Variants in PDZD2 observed in about 807,000 individuals in gnomAD.
PDZD2 encodes the protein PDZ domain containing 2.
In PDZD2, 90 loss-of-function variants were observed where a neutral mutation model predicts 220.7. The observed-to-expected ratio is 0.41, with a 90% CI of 0.34 to 0.49. The LOEUF is 0.49. Ranked by LOEUF, PDZD2 falls within the 20% of genes least tolerant of loss-of-function variation. The probability of loss-of-function intolerance (pLI) is 0.28; values close to 1 mark genes in which losing one functional copy is unlikely to be tolerated. For missense variants in PDZD2, 3,174 were observed against 3,608.5 expected, an observed-to-expected ratio of 0.88 and a Z score of 3.08; for synonymous variants, 1,375 against 1,450.5, an observed-to-expected ratio of 0.95 and a Z score of 1.18.
At chr5:31,693,145 G>C (rs1480559246) in intron 1 of PDZD2, among the ~76,000 whole-genome samples, 1 of 150,938 alleles carries the variant, frequency 6.6e-6, no homozygotes, top group East Asian at 1.9e-4. Flanking sequence ...CTGCAAGCTC[G>C]GAGCTAAGAG....
chr5:31,799,227 C>A lies in PDZD2; in HGVS notation c.-22C>A. On this transcript the variant is annotated 5_prime_UTR_variant, in exon 2 of 25. It adds an upstream start codon to the 5' untranslated region. Transcript: ENST00000438447. Reference sequence around the variant, plus strand: ...CCCAGGAGCAAGACCTCTGATGATGCTGGTGTCTGGGAGTGAGCACCATGC... The same window carrying A: ...CCCAGGAGCAAGACCTCTGATGATGATGGTGTCTGGGAGTGAGCACCATGC... The A allele has an allele frequency of 6.6e-7, 1 of 1,521,312 alleles. No homozygotes were observed. Among genetic ancestry groups the A allele is most frequent in the Non-Finnish European group, 9.0e-7 (1 of 1,113,552 alleles). The allele number at this position is 1,521,312 out of a possible 1,614,324, so 94.2% of individuals were successfully genotyped here. A position where few individuals can be genotyped will look rare whatever the true frequency, so the allele number is the denominator to read the frequency against.
At chr5:32,085,593 G>A (rs752847844) in intron 19 of PDZD2, among the ~76,000 whole-genome samples, 5 of 150,262 alleles carry the variant, frequency 3.3e-5, no homozygotes, top group African/African-American at 7.6e-5. Flanking sequence ...TTACAGGCGT[G>A]TGCCACCACA....
intron 2 of PDZD2, among the ~76,000 whole-genome samples, chr5:31,830,255 TC>T (rs1198731955): frequency 5.4e-5 from 8 of 147,258 alleles, no homozygotes; most frequent in African/African-American, 1.8e-4. Flanking sequence ...AAGCTCCGCC[TC>T]CCGGGTTCAC....
rs376480915 is a variant in PDZD2 at position 31,925,515 on chromosome 5, G to T, written c.477-57640G>T. Among the ~76,000 whole-genome samples, 189 of 152,184 alleles carry T rather than the reference G, an allele frequency of 1.2e-3. 1 individual carries two copies. The highest frequency in any genetic ancestry group is 3.5e-3 in the African/African-American group (146 of 41,550). On this transcript the variant is annotated intron_variant, in intron 2 of 24. Coordinates refer to ENST00000438447, the MANE Select transcript of PDZD2 (RefSeq NM_178140.4). ...ACCTCAAACAGTAAGAATCCTAGAA[G>T]AAAACCTAGGAAACATCATTCTGGA... is the stretch of plus-strand genomic sequence containing the variant.
chr5:31,752,471 C>A (rs1751057004), intron 1 of PDZD2, among the ~76,000 whole-genome samples: 1 of 152,074 alleles, frequency 6.6e-6, no homozygotes, highest in Non-Finnish European at 1.5e-5. Context: ...ATCTCTTGAA[C>A]CTGGGAGGCA....
chr5:31,898,714 G>A (rs1741798737), intron 2 of PDZD2, among the ~76,000 whole-genome samples: 1 of 151,914 alleles, frequency 6.6e-6, no homozygotes, highest in Non-Finnish European at 1.5e-5. Context: ...TCCTAGCTCT[G>A]GGGGGCAGTT....
intron 20 of PDZD2, 69 bp downstream of exon 20, chr5:32,091,244 G>T: frequency 7.3e-6 from 7 of 960,348 alleles, no homozygotes; most frequent in Non-Finnish European, 1.0e-5. Context: ...TAGATTTATA[G>T]AAAAGTTGCA....
At chr5:32,025,077 C>T (rs1216775511) in intron 6 of PDZD2, among the ~76,000 whole-genome samples, 4 of 152,116 alleles carry the variant, frequency 2.6e-5, no homozygotes, top group African/African-American at 7.2e-5. Flanking sequence ...CTTAAAGAAG[C>T]GCCTGCCCTT....
At position 31,657,833 on chromosome 5, in the gene PDZD2, G is replaced by A. The variant is rs1180206621; in HGVS notation, c.-361+18396G>A. On this transcript the variant is annotated intron_variant, in intron 1 of 24. Transcript: ENST00000438447. ...ATCTTGACTATTGTGTGCTGCTCCC[G>A]GCAACACCCGCAAAGGAGGCATTAG... Among the ~76,000 whole-genome samples, 4 of 152,094 alleles carry A rather than the reference G, an allele frequency of 2.6e-5. No homozygotes were observed. The South Asian group carries it at 6.2e-4, about 24-fold the overall frequency.
chr5:31,675,418 AG>A (rs1458618809), intron 1 of PDZD2, among the ~76,000 whole-genome samples: 1 of 152,180 alleles, frequency 6.6e-6, no homozygotes, highest in Admixed American at 6.5e-5. Flanking sequence ...AGATGGCCTC[AG>A]CTGCCCAGCT....
chr5:31,884,684 G>C (rs1395304908), intron 2 of PDZD2, among the ~76,000 whole-genome samples: 2 of 152,074 alleles, frequency 1.3e-5, no homozygotes, highest in Non-Finnish European at 2.9e-5. Context: ...CATCTCCCAG[G>C]TTTAGGCGAT....
chr5:32,011,666 C>T (rs1753333011), intron 6 of PDZD2, among the ~76,000 whole-genome samples: 3 of 152,172 alleles, frequency 2.0e-5, no homozygotes, highest in Non-Finnish European at 4.4e-5. Flanking sequence ...CTCCTTCCCA[C>T]TCTCCTGAAC....
At chr5:31,980,109 G>T (rs1750169199) in intron 2 of PDZD2, among the ~76,000 whole-genome samples, 1 of 152,142 alleles carries the variant, frequency 6.6e-6, no homozygotes. Context: ...ACATTTCAGT[G>T]AGTTTTAGTG....
At chr5:31,752,077 T>TTTTTTTTTG (rs1751025944) in intron 1 of PDZD2, among the ~76,000 whole-genome samples, 1 of 118,126 alleles carries the variant, frequency 8.5e-6, no homozygotes, top group Non-Finnish European at 1.7e-5. Context: ...GGGTTTGTTT[T>TTTTTTTTTG]TTTTTTTTTT....
intron 7 of PDZD2, among the ~76,000 whole-genome samples, chr5:32,038,237 G>A (rs1348272288): frequency 3.7e-5 from 5 of 133,894 alleles, no homozygotes; most frequent in African/African-American, 1.1e-4. Flanking sequence ...TTGGTATAAA[G>A]ATACAGCTGG....
intron 1 of PDZD2, among the ~76,000 whole-genome samples, chr5:31,777,758 C>T (rs1335431510): frequency 3.3e-5 from 5 of 152,314 alleles, no homozygotes; most frequent in Admixed American, 6.5e-5. Context: ...GTAAATGCAC[C>T]AATCAACACT....
rs1580501641 is a variant in PDZD2, at chr5:31,639,507, A to G, written c.-361+70A>G. Reference sequence around the variant, plus strand: ...GGGCAGGGGATGGGGGAGGCCCGGCACCCCCGAGACCGTGTGTGCCCAGGA... The same window carrying G: ...GGGCAGGGGATGGGGGAGGCCCGGCGCCCCCGAGACCGTGTGTGCCCAGGA... On this transcript the variant is annotated intron_variant, in intron 1 of 24. Coordinates refer to ENST00000438447, the MANE Select transcript of PDZD2 (RefSeq NM_178140.4). The surrounding 1 kb of genome is among the most constrained non-coding windows in gnomAD (Gnocchi z 4.1). 1 of 151,438 alleles carries G rather than the reference A, an allele frequency of 6.6e-6. No homozygotes were observed. Among genetic ancestry groups the G allele is most frequent in the African/African-American group, 2.4e-5 (1 of 41,330 alleles). 9.4% of individuals were successfully genotyped at this position (151,438 alleles called of 1,614,324 possible).
At chr5:31,908,004 ACCCG>A (rs1742811338) in intron 2 of PDZD2, among the ~76,000 whole-genome samples, 1 of 144,308 alleles carries the variant, frequency 6.9e-6, no homozygotes, top group South Asian at 2.2e-4. Flanking sequence ...AATTGCTTGA[ACCCG>A]GGAGGCGGAG....
chr5:31,717,143 C>T (rs1748502066), intron 1 of PDZD2, among the ~76,000 whole-genome samples: 1 of 152,160 alleles, frequency 6.6e-6, no homozygotes, highest in Admixed American at 6.6e-5. Flanking sequence ...ATAGATCATC[C>T]TTTAAAATAT....
Sources: allele counts gnomAD v4.1 joint callset (sites outside exome capture counted in the v4.1 genomes callset), GRCh38; gene constraint gnomAD v4.1.1; non-coding constraint Gnocchi (gnomAD v3.1); transcripts MANE v1.5; gene names NCBI Gene and HGNC (gene_info 2026-07-23, HGNC 2026-07-21).